HTR4: variants seen among roughly 807,000 people sequenced by gnomAD.
HTR4 encodes 5-hydroxytryptamine (serotonin) receptor 4, G protein-coupled.
Under a neutral mutation model 36.8 loss-of-function variants are expected in HTR4, and 16 were observed. The observed-to-expected ratio is 0.43, with a 90% confidence interval of 0.29 to 0.66. The LOEUF is 0.66. Ranked by LOEUF, HTR4 falls within the 30% of genes least tolerant of loss-of-function variation. The pLI, the probability that HTR4 is intolerant of heterozygous loss-of-function variation, is 0.13. For synonymous variants in HTR4, 189 were observed against 185.1 expected (o/e 1.02, Z -0.17); for missense variants, 438 against 490.9 (o/e 0.89, Z 1.02).
In HTR4 at chr5:148,642,031, T is replaced by C. The variant is rs573520123; in HGVS notation, c.-47-4970A>G. On this transcript the variant is annotated intron_variant, in intron 1 of 6. Coordinates refer to ENST00000377888, the MANE Select transcript of HTR4 (RefSeq NM_000870.7). Reference sequence around the variant, plus strand: ...CTTGCTTTGCTCCACTTTGTTTTGTTTTCTCTGGTTTTGGTTGCATGGATG... The same window carrying C: ...CTTGCTTTGCTCCACTTTGTTTTGTCTTCTCTGGTTTTGGTTGCATGGATG... Among the ~76,000 whole-genome samples the C allele has an allele frequency of 1.4e-4, 22 of 152,298 alleles. No individual in the cohort carries two copies. In the East Asian group the frequency reaches 3.5e-3, roughly 24 times the overall value.
chr5:148,614,470 C>A lies in HTR4; in HGVS notation c.26+22519G>T, dbSNP rs573606019. On this transcript the variant is annotated intron_variant, in intron 2 of 6. Transcript: ENST00000377888. ...TAATAAATGGTGCTGGGAAAACTGG[C>A]TAGCCATATGTAGAAAGCTGAAACT... Among the ~76,000 whole-genome samples, 18 of 152,274 alleles carry A rather than the reference C, an allele frequency of 1.2e-4. 1 individual carries two copies. In the South Asian group the frequency reaches 3.7e-3, roughly 32 times the overall value.
intron 6 of HTR4, among the ~76,000 whole-genome samples, chr5:148,487,459 T>C (rs1561573222): frequency 6.6e-6 from 1 of 152,164 alleles, no homozygotes; most frequent in Non-Finnish European, 1.5e-5. Flanking sequence ...CTAAGTCATC[T>C]TTCTCAAAGG....
At chr5:148,464,043 A>G (rs990535357) in intron 5 of HTR4, among the ~76,000 whole-genome samples, 1 of 151,560 alleles carries the variant, frequency 6.6e-6, no homozygotes, top group Non-Finnish European at 1.5e-5. Flanking sequence ...GCAAAAAAAA[A>G]AAAAAAAAAG....
At chr5:148,622,328 T>C (rs1752945403) in intron 2 of HTR4, among the ~76,000 whole-genome samples, 1 of 152,258 alleles carries the variant, frequency 6.6e-6, no homozygotes, top group Non-Finnish European at 1.5e-5. Context: ...TTTCCTCATG[T>C]ACCTGTTATG....
chr5:148,476,818 G>T (rs1755713664), downstream of HTR4: 2 of 1,606,828 alleles, frequency 1.2e-6, no homozygotes, highest in Admixed American at 1.7e-5. Context: ...CACAGGAGAA[G>T]AACAAATAAA....
intron 5 of HTR4, among the ~76,000 whole-genome samples, chr5:148,457,038 T>C (rs1214420556): frequency 6.6e-6 from 1 of 152,226 alleles, no homozygotes; most frequent in African/African-American, 2.4e-5. Flanking sequence ...TAAGGTCACT[T>C]AGAGCAGCTT....
chr5:148,629,214 A>T (rs1157810545), intron 2 of HTR4: 1 of 152,198 alleles, frequency 6.6e-6, no homozygotes, highest in Non-Finnish European at 1.5e-5. Flanking sequence ...AGAACGATGC[A>T]GGTCAATAAT....
intron 4 of HTR4, among the ~76,000 whole-genome samples, chr5:148,531,160 T>C (rs1334620646): frequency 2.0e-5 from 3 of 152,160 alleles, no homozygotes; most frequent in Non-Finnish European, 4.4e-5. Context: ...TTTGAGGGAC[T>C]GTTGGGAAGG....
rs907874305 is a variant in HTR4, at chr5:148,654,459, G to A, written c.-445C>T. 4.1e-6 allele frequency: 4 copies of A among 985,288 alleles called. No homozygotes were observed. The highest frequency in any genetic ancestry group is 6.2e-5 in the Admixed American group (1 of 16,252). The allele number at this position is 985,288 out of a possible 1,614,324, so 61.0% of individuals were successfully genotyped here. On this transcript the variant is annotated 5_prime_UTR_variant, in exon 1 of 7. Transcript: ENST00000377888. ...GCACAGGGGAGTGGGCACAGAGGCG[G>A]GCTGGAGCGATCTCACCCGTTCCGG... is the stretch of plus-strand genomic sequence containing the variant.
intron 2 of HTR4, among the ~76,000 whole-genome samples, chr5:148,587,524 T>C (rs1188542894): frequency 1.3e-5 from 2 of 152,166 alleles, no homozygotes; most frequent in Non-Finnish European, 2.9e-5. Context: ...AGATTCTGCC[T>C]GGGCTGAGCC....
chr5:148,523,440 AG>A (rs573733073), intron 4 of HTR4, 94 bp from the exon 5 acceptor site: 59 of 998,098 alleles, frequency 5.9e-5, no homozygotes, highest in Admixed American at 9.9e-5. Context: ...GGGGAGGAAG[AG>A]GGGATGGAGC....
At chr5:148,593,013 T>C (rs1036419375) in intron 2 of HTR4, among the ~76,000 whole-genome samples, 1 of 152,200 alleles carries the variant, frequency 6.6e-6, no homozygotes, top group Non-Finnish European at 1.5e-5. Flanking sequence ...TGTCTTATGG[T>C]TTCAATTTAT....
chr5:148,529,283 T>C (rs891013295), intron 4 of HTR4, among the ~76,000 whole-genome samples: 4 of 152,142 alleles, frequency 2.6e-5, no homozygotes, highest in African/African-American at 9.7e-5. Context: ...CTGATATGGT[T>C]TGGCTGTGTA....
chr5:148,654,362 C>T lies in HTR4; in HGVS notation c.-348G>A, dbSNP rs999167354. On this transcript the variant is annotated 5_prime_UTR_variant, in exon 1 of 7. Coordinates refer to ENST00000377888, the MANE Select transcript of HTR4 (RefSeq NM_000870.7). ...CTCAACAGCCCCCAGCCCCGGTGGT[C>T]CCCGCTGCCCTGCCCGCTGCCGCCC... The T allele has an allele frequency of 3.0e-5, 30 of 985,292 alleles. No homozygotes were observed. Among genetic ancestry groups the T allele is most frequent in the Non-Finnish European group, 3.4e-5 (28 of 829,904 alleles). 61.0% of individuals were successfully genotyped at this position (985,292 alleles called of 1,614,324 possible). A position where few individuals can be genotyped will look rare whatever the true frequency, so the allele number is the denominator to read the frequency against.
intron 6 of HTR4, among the ~76,000 whole-genome samples, chr5:148,501,978 T>A (rs890651378): frequency 6.6e-6 from 1 of 150,748 alleles, no homozygotes; most frequent in African/African-American, 2.4e-5. Flanking sequence ...GAGAATGGCG[T>A]GAACCTGGGA....
At chr5:148,529,398 T>G (rs1462275190) in intron 4 of HTR4, among the ~76,000 whole-genome samples, 2 of 152,116 alleles carry the variant, frequency 1.3e-5, no homozygotes, top group African/African-American at 4.8e-5. Flanking sequence ...TTTCCCATGT[T>G]GTTCTCATGA....
At chr5:148,566,059 T>G (rs1214562353) in intron 2 of HTR4, among the ~76,000 whole-genome samples, 1 of 152,206 alleles carries the variant, frequency 6.6e-6, no homozygotes, top group Non-Finnish European at 1.5e-5. Context: ...TTCTGTACAT[T>G]ATTACTCACA....
downstream of HTR4, among the ~76,000 whole-genome samples, chr5:148,475,744 T>C (rs1755679397): frequency 6.6e-6 from 1 of 152,230 alleles, no homozygotes; most frequent in South Asian, 2.1e-4. Context: ...TCAAATGTCA[T>C]GAAATTCAGA....
intron 5 of HTR4, among the ~76,000 whole-genome samples, chr5:148,522,797 C>T (rs1167403326): frequency 4.6e-5 from 7 of 152,026 alleles, no homozygotes; most frequent in Non-Finnish European, 7.4e-5. Context: ...GCTAAACAAA[C>T]CTAGCAGGGC....
Sources: allele counts gnomAD v4.1 joint callset (sites outside exome capture counted in the v4.1 genomes callset), GRCh38; gene constraint gnomAD v4.1.1; transcripts MANE v1.5; gene names NCBI Gene and HGNC (gene_info 2026-07-23, HGNC 2026-07-21).